The following GRIA1 variants were observed in gnomAD, a reference collection of about 807,000 sequenced individuals.
The protein encoded by GRIA1 is glutamate ionotropic receptor AMPA type subunit 1, also known as glutamate receptor 1.
Under a neutral mutation model 99.2 loss-of-function variants are expected in GRIA1, and 31 were observed. The observed-to-expected ratio is 0.31, with a 90% CI of 0.23 to 0.42. GRIA1 has a LOEUF of 0.42. GRIA1 is among the 10% of genes least tolerant of loss of function. The pLI is 1.00. For missense variants in GRIA1, 782 were observed against 1,157.5 expected (o/e 0.68, Z 4.71); for synonymous variants, 438 against 432.4 (o/e 1.01, Z -0.16).
At chr5:153,631,285 C>A (rs1752947253) in intron 2 of GRIA1, among the ~76,000 whole-genome samples, 1 of 152,230 alleles carries the variant, frequency 6.6e-6, no homozygotes, top group Non-Finnish European at 1.5e-5. Context: ...AAGACTCCCA[C>A]TCATGCCCCT....
Position 153,627,594 on chromosome 5 carries a change from C to T in GRIA1, c.221-19334C>T, listed in dbSNP as rs193193458. Among the ~76,000 whole-genome samples, 54 of 152,238 alleles carry T rather than the reference C, an allele frequency of 3.5e-4. 2 individuals are homozygous for T. The East Asian group carries it at 6.4e-3, about 18-fold the overall frequency. Reference sequence around the variant, plus strand: ...GTAAAAGAATGGGGCAAGCGATGCTCTCTGTAAAGTGAATTCTAATGAGGT... The same window carrying T: ...GTAAAAGAATGGGGCAAGCGATGCTTTCTGTAAAGTGAATTCTAATGAGGT... On this transcript the variant is annotated intron_variant, in intron 2 of 15. Coordinates refer to ENST00000285900, the MANE Select transcript of GRIA1 (RefSeq NM_000827.4).
intron 2 of GRIA1, among the ~76,000 whole-genome samples, chr5:153,611,065 A>G (rs1765942593): frequency 6.6e-6 from 1 of 152,160 alleles, no homozygotes; most frequent in Non-Finnish European, 1.5e-5. Context: ...TTTTGAAAAT[A>G]TAGACTCCTA....
chr5:153,696,071 A>G (rs1269365133), intron 8 of GRIA1, among the ~76,000 whole-genome samples: 1 of 152,140 alleles, frequency 6.6e-6, no homozygotes, highest in Non-Finnish European at 1.5e-5. Flanking sequence ...TACACAAGGT[A>G]CTCAGGGTTG....
intron 7 of GRIA1, among the ~76,000 whole-genome samples, chr5:153,685,926 G>A (rs1388027245): frequency 1.3e-5 from 2 of 152,130 alleles, no homozygotes; most frequent in East Asian, 1.9e-4. Context: ...TGTGATGGGA[G>A]GTGTTTGGTT....
intron 2 of GRIA1, among the ~76,000 whole-genome samples, chr5:153,598,547 G>T (rs1339295128): frequency 6.6e-6 from 1 of 152,138 alleles, no homozygotes; most frequent in Non-Finnish European, 1.5e-5. Context: ...AGCAGCAGAG[G>T]TGAGGGAAGG....
chr5:153,630,296 G>T (rs1193813299), intron 2 of GRIA1, among the ~76,000 whole-genome samples: 1 of 150,162 alleles, frequency 6.7e-6, no homozygotes, highest in East Asian at 1.9e-4. Context: ...TTGCCACTGT[G>T]GCTGTGCCAG....
intron 8 of GRIA1, among the ~76,000 whole-genome samples, chr5:153,695,329 T>G (rs531754624): frequency 6.2e-4 from 95 of 152,322 alleles, no homozygotes; most frequent in Admixed American, 1.5e-3. Flanking sequence ...AGAGTGCTTT[T>G]AAACATCTAT....
At chr5:153,706,268 C>T (rs1349804706) in intron 11 of GRIA1, 2 of 599,576 alleles carry the variant, frequency 3.3e-6, no homozygotes, top group Non-Finnish European at 5.9e-6. Flanking sequence ...CCATCTCTGT[C>T]TGCTCTCTGG....
intron 14 of GRIA1, among the ~76,000 whole-genome samples, chr5:153,800,532 AATAATCAT>A: frequency 6.6e-6 from 1 of 152,208 alleles, no homozygotes; most frequent in Admixed American, 6.5e-5. Context: ...GAGTCCTTTG[AATAATCAT>A]TTCTACTGCT....
chr5:153,523,853 A>G (rs1037100209), intron 2 of GRIA1, among the ~76,000 whole-genome samples: 2 of 152,184 alleles, frequency 1.3e-5, no homozygotes, highest in African/African-American at 4.8e-5. Flanking sequence ...ATTATTAGTA[A>G]TCACCAGCCA....
intron 11 of GRIA1, among the ~76,000 whole-genome samples, chr5:153,719,982 A>G (rs1257596661): frequency 6.6e-6 from 1 of 152,238 alleles, no homozygotes; most frequent in Non-Finnish European, 1.5e-5. Flanking sequence ...GTCAGTGATT[A>G]TTAGTATTCC....
At chr5:153,524,273 G>A (rs1052637911) in intron 2 of GRIA1, among the ~76,000 whole-genome samples, 2 of 152,186 alleles carry the variant, frequency 1.3e-5, no homozygotes, top group African/African-American at 4.8e-5. Context: ...GTTGCAGTGA[G>A]CCAAGGTCAC....
At chr5:153,745,162 A>C (rs766583263) in intron 11 of GRIA1, among the ~76,000 whole-genome samples, 5 of 152,082 alleles carry the variant, frequency 3.3e-5, no homozygotes, top group Non-Finnish European at 5.9e-5. Flanking sequence ...TCACGTCTAG[A>C]TTATTCTCAA....
intron 2 of GRIA1, among the ~76,000 whole-genome samples, chr5:153,512,305 A>G (rs1756169940): frequency 6.6e-6 from 1 of 152,204 alleles, no homozygotes; most frequent in African/African-American, 2.4e-5. Flanking sequence ...CACGCAGGTA[A>G]TAGGAATAAT....
Position 153,494,020 on chromosome 5 carries a change from A to T in GRIA1, c.175A>T (p.Ile59Phe), listed in dbSNP as rs1561582921. Residue 59 changes from isoleucine to phenylalanine, a missense_variant, in exon 2 of 16, where the codon ATT becomes TTT. By Grantham distance (21) the Ile-to-Phe change is conservative. Around this residue, in one of 5 missense-constraint regions of GRIA1, gnomAD observed 461 missense variants for 521.7 expected, o/e 0.88. Coordinates refer to ENST00000285900, the MANE Select transcript of GRIA1 (RefSeq NM_000827.4). ...AGAGCCCCCGAAGCTGCTCCCCCAGATTGATATTGTGAACATCAGCGACAG... is the reference window on the plus strand; with the variant it reads ...AGAGCCCCCGAAGCTGCTCCCCCAGTTTGATATTGTGAACATCAGCGACAG... ...LTEPPKLLPQ[I>F]DIVNISDSFE... 6.2e-7 allele frequency: 1 copy of T among 1,614,086 alleles called. No individual in the cohort carries two copies. Among genetic ancestry groups the T allele is most frequent in the South Asian group, 1.1e-5 (1 of 91,072 alleles).
intron 2 of GRIA1, among the ~76,000 whole-genome samples, chr5:153,614,937 G>A (rs1766343813): frequency 6.6e-6 from 1 of 152,144 alleles, no homozygotes; most frequent in African/African-American, 2.4e-5. Flanking sequence ...CTTAAGATAA[G>A]GAATCAGATT....
intron 3 of GRIA1, 98 bp from the exon 4 acceptor site, chr5:153,650,232 T>G: frequency 1.0e-6 from 1 of 994,706 alleles, no homozygotes. Flanking sequence ...GAAGAGTGGG[T>G]TTGGGGGTAG....
intron 2 of GRIA1, among the ~76,000 whole-genome samples, chr5:153,613,606 A>G (rs1330725349): frequency 1.3e-5 from 2 of 151,352 alleles, no homozygotes; most frequent in East Asian, 3.9e-4. Flanking sequence ...TCTCCTTTAT[A>G]GTCTATTAAG....
At chr5:153,754,685 T>G (rs1762710050) in intron 11 of GRIA1, among the ~76,000 whole-genome samples, 1 of 152,144 alleles carries the variant, frequency 6.6e-6, no homozygotes, top group Non-Finnish European at 1.5e-5. Flanking sequence ...CCATAAGCAG[T>G]TTTGGATTCT....
Sources: gnomAD v4.1 joint callset for allele counts (sites outside exome capture counted in the v4.1 genomes callset) on GRCh38, gnomAD v4.1.1 for gene constraint, gnomAD v4.1.1 regional missense constraint, MANE v1.5 for transcripts, NCBI Gene and HGNC (gene_info 2026-07-23, HGNC 2026-07-21) for gene names.